Variants in POT1 observed in about 807,000 individuals in gnomAD.
POT1 encodes the protein protection of telomeres 1, also known as protection of telomeres protein 1.
Under a neutral mutation model 78.5 loss-of-function variants are expected in POT1, and 47 were observed. The ratio of observed to expected loss-of-function variants is 0.60; its 90% CI spans 0.47 to 0.76. The LOEUF (loss-of-function observed/expected upper bound fraction) is 0.76, where lower values mean the gene tolerates loss of function less well. Ranked by LOEUF, POT1 falls within the 30% of genes least tolerant of loss-of-function variation. The probability of loss-of-function intolerance (pLI) is 0.00; values close to 1 mark genes in which losing one functional copy is unlikely to be tolerated. For synonymous variants in POT1, 259 were observed against 260.7 expected (o/e 0.99, Z 0.06); for missense variants, 646 against 749.9 (o/e 0.86, Z 1.62).
rs185651210 is a variant in POT1, at chr7:124,841,004, C to T, written c.1338G>A (p.Pro446=). Residue 446 remains proline (P), a synonymous_variant, in exon 14 of 19, where the codon CCG becomes CCA. Transcript: ENST00000357628. ...TCAAAAGTAGACATTCATTTGAAAGCGGGAGAATACCATTATTTTTCACAA... is the reference window on the plus strand; with the variant it reads ...TCAAAAGTAGACATTCATTTGAAAGTGGGAGAATACCATTATTTTTCACAA... ...VHFVKNNGIL[P]LSNECLLLIE... 3.0e-5 allele frequency: 48 copies of T among 1,609,710 alleles called. No homozygotes were observed. The East Asian group carries it at 8.7e-4, about 29-fold the overall frequency.
intron 12 of POT1, among the ~76,000 whole-genome samples, 186 bp downstream of exon 12, chr7:124,846,756 T>A (rs1795177544): frequency 6.6e-6 from 1 of 152,148 alleles, no homozygotes; most frequent in South Asian, 2.1e-4. Flanking sequence ...AAAGACACGT[T>A]ATCTTTATGG....
chr7:124,856,976 A>G (rs1281084797), intron 9 of POT1, among the ~76,000 whole-genome samples: 1 of 152,222 alleles, frequency 6.6e-6, no homozygotes, highest in Non-Finnish European at 1.5e-5. Flanking sequence ...AAGTACAGTC[A>G]CTATCTTCCT....
intron 3 of POT1, among the ~76,000 whole-genome samples, chr7:124,898,982 T>C (rs1282347690): frequency 2.0e-5 from 3 of 152,212 alleles, no homozygotes; most frequent in African/African-American, 7.2e-5. Context: ...GAGTTTTGCA[T>C]TGCTGCATAT....
intron 7 of POT1, among the ~76,000 whole-genome samples, chr7:124,867,610 C>G (rs573959051): frequency 4.6e-5 from 7 of 151,828 alleles, no homozygotes; most frequent in African/African-American, 1.7e-4. Context: ...ATTAGAAAGG[C>G]CTTTCCTGAT....
At chr7:124,894,473 T>C (rs1796445226) in intron 5 of POT1, among the ~76,000 whole-genome samples, 1 of 151,658 alleles carries the variant, frequency 6.6e-6, no homozygotes, top group African/African-American at 2.4e-5. Flanking sequence ...TCATTACCAA[T>C]AAACAACTTC....
At chr7:124,861,390 A>T (rs538690939) in intron 8 of POT1, among the ~76,000 whole-genome samples, 1 of 152,090 alleles carries the variant, frequency 6.6e-6, no homozygotes, top group Non-Finnish European at 1.5e-5. Context: ...TCTGTTAGCC[A>T]CATAAATGTC....
chr7:124,910,465 A>C (rs1447275280), intron 3 of POT1, among the ~76,000 whole-genome samples: 1 of 151,956 alleles, frequency 6.6e-6, no homozygotes, highest in Non-Finnish European at 1.5e-5. Flanking sequence ...TAAATGAAAA[A>C]CATATACGAA....
At chr7:124,889,735 C>A (rs1584790233) in intron 6 of POT1, among the ~76,000 whole-genome samples, 1 of 152,074 alleles carries the variant, frequency 6.6e-6, no homozygotes, top group East Asian at 1.9e-4. Flanking sequence ...TTTAATGAAA[C>A]AACAAAGCCT....
chr7:124,824,966 A>T (rs1484232512), intron 18 of POT1, among the ~76,000 whole-genome samples: 1 of 152,186 alleles, frequency 6.6e-6, no homozygotes, highest in Non-Finnish European at 1.5e-5. Context: ...AATTTCAACT[A>T]AAATGCTTGT....
intron 7 of POT1, among the ~76,000 whole-genome samples, chr7:124,864,995 A>T (rs898640711): frequency 4.6e-5 from 7 of 152,190 alleles, no homozygotes; most frequent in African/African-American, 1.7e-4. Context: ...TGCTATGCAG[A>T]TATGCTGCCA....
At chr7:124,863,049 A>G (rs1795635445) in intron 8 of POT1, among the ~76,000 whole-genome samples, 1 of 152,150 alleles carries the variant, frequency 6.6e-6, no homozygotes, top group African/African-American at 2.4e-5. Flanking sequence ...ACTACAAACT[A>G]TGAAATAATA....
At chr7:124,876,634 A>G (rs764963957) in intron 6 of POT1, among the ~76,000 whole-genome samples, 2,572 of 152,276 alleles carry the variant, frequency 0.017, 39 homozygotes, top group Non-Finnish European at 0.027. Context: ...GGCACTGAAC[A>G]TATGTACCAT....
chr7:124,836,574 T>C (rs912621554), intron 14 of POT1, among the ~76,000 whole-genome samples: 2 of 152,194 alleles, frequency 1.3e-5, no homozygotes, highest in African/African-American at 2.4e-5. Context: ...CTTTTCTCTA[T>C]GAGTTCCTCC....
chr7:124,851,282 G>A (rs893127113), intron 11 of POT1, among the ~76,000 whole-genome samples: 6 of 152,006 alleles, frequency 3.9e-5, no homozygotes, highest in African/African-American at 4.8e-5. Context: ...CAGCCTGGTC[G>A]CCAGAGCAAG....
In POT1 at chr7:124,899,804, T is replaced by A. The variant is rs76961962; in HGVS notation, c.-153-1430A>T. ...TAAAAATGTTTTCAAAAGTAAATAT[T>A]ATACACCAAATGCAAATGTTAGAGT... On this transcript the variant is annotated intron_variant, in intron 3 of 18. Coordinates refer to ENST00000357628, the MANE Select transcript of POT1 (RefSeq NM_015450.3). Among the ~76,000 whole-genome samples the A allele has an allele frequency of 6.0e-3, 908 of 152,278 alleles. 5 individuals carry two copies. The highest frequency in any genetic ancestry group is 0.02 in the African/African-American group (848 of 41,574).
chr7:124,828,963 T>C (rs766591801), intron 16 of POT1: 13 of 635,150 alleles, frequency 2.0e-5, no homozygotes, highest in Non-Finnish European at 3.6e-5. Context: ...TGTCCAGCTC[T>C]GAATGCCAAA....
chr7:124,824,555 G>A (rs562502389), intron 18 of POT1, among the ~76,000 whole-genome samples: 1 of 152,152 alleles, frequency 6.6e-6, no homozygotes, highest in East Asian at 1.9e-4. Flanking sequence ...TGCAAAGATT[G>A]ACCAGGGAGA....
Position 124,846,940 on chromosome 7 carries a change from A to G in POT1, c.1006+2T>C, listed in dbSNP as rs1795183662. ...CATCTCAAAAATGATACATAGTCTT[A>G]CTTGTAGCAGATAGCTGTTGACATC... On this transcript the variant is annotated splice_donor_variant, in intron 12 of 18. Transcript: ENST00000357628. LOFTEE classifies it high-confidence loss of function. 6.3e-7 allele frequency: 1 copy of G among 1,585,892 alleles called. No individual in the cohort carries two copies. The highest frequency in any genetic ancestry group is 8.7e-7 in the Non-Finnish European group (1 of 1,154,634).
chr7:124,849,246 A>G (rs1341715999), intron 11 of POT1, among the ~76,000 whole-genome samples: 1 of 152,158 alleles, frequency 6.6e-6, no homozygotes, highest in Non-Finnish European at 1.5e-5. Flanking sequence ...AATGGCAGAA[A>G]CCATAAAAGT....
Sources: allele counts gnomAD v4.1 joint callset (sites outside exome capture counted in the v4.1 genomes callset), GRCh38; gene constraint gnomAD v4.1.1; transcripts MANE v1.5; gene names NCBI Gene and HGNC (gene_info 2026-07-23, HGNC 2026-07-21).